Variants in VPS52 observed in about 807,000 individuals in gnomAD.
The protein encoded by VPS52 is VPS52 subunit of GARP complex, also known as vacuolar protein sorting-associated protein 52 homolog.
VPS52 carries 56 observed loss-of-function variants against 98.7 expected under a neutral mutation model. The observed-to-expected ratio is 0.57, with a 90% CI of 0.46 to 0.71. VPS52 has a LOEUF of 0.71. Among genes scored for constraint, VPS52 ranks in the 30% least tolerant of loss-of-function variants. VPS52 has a pLI of 0.00. For missense variants in VPS52, 742 were observed against 925.9 expected, an observed-to-expected ratio of 0.80 and a Z score of 2.58; for synonymous variants, 348 against 346.4, an observed-to-expected ratio of 1.00 and a Z score of -0.05.
At chr6:33,258,017 A>G (rs116888708) in intron 17 of VPS52, among the ~76,000 whole-genome samples, 1 of 152,260 alleles carries the variant, frequency 6.6e-6, no homozygotes, top group East Asian at 1.9e-4. Context: ...TGTTACTAAA[A>G]ACAAAGACAT....
Position 33,251,527 on chromosome 6 carries a change from A to G in VPS52, c.2016T>C (p.Ser672=). Residue 672 remains serine, a synonymous_variant, in exon 19 of 20, where the codon AGT becomes AGC. Coordinates refer to ENST00000445902, the MANE Select transcript of VPS52 (RefSeq NM_022553.6). The stretch of plus-strand genomic sequence containing the variant: ...GGGACTTGCAGGTCACCTGAATGAT[A>G]CTGGTGCCATTTCTGAAGTTGGTGA... ...RSFTNFRNGT[S]IIQGALTQLI... is the part of the protein sequence containing the mutation. 6.2e-7 allele frequency: 1 copy of G among 1,608,180 alleles called. No homozygotes were observed. The highest frequency in any genetic ancestry group is 8.5e-7 in the Non-Finnish European group (1 of 1,174,958).
chr6:33,269,719 AC>A, intron 4 of VPS52, 24 bp downstream of exon 4: 2 of 1,609,694 alleles, frequency 1.2e-6, no homozygotes, highest in Non-Finnish European at 1.7e-6. Flanking sequence ...CAATAGCACC[AC>A]CCCTTCCCTC....
chr6:33,271,760 C>T lies in VPS52; in HGVS notation c.-85G>A. The T allele has an allele frequency of 3.3e-6, 5 of 1,496,380 alleles. No homozygotes were observed. The highest frequency in any genetic ancestry group is 4.5e-6 in the Non-Finnish European group (5 of 1,120,786). 92.7% of individuals were successfully genotyped at this position (1,496,380 alleles called of 1,614,324 possible). ...GCTACAAGTCCCAAAGGGTCTTCCT[C>T]AGCGCGAAATCGTTCCCAGATATTT... is the stretch of plus-strand genomic sequence containing the variant. On this transcript the variant is annotated 5_prime_UTR_variant, in exon 1 of 20. Transcript: ENST00000445902.
chr6:33,252,236 A>G (rs1762359513), intron 17 of VPS52, among the ~76,000 whole-genome samples: 1 of 152,236 alleles, frequency 6.6e-6, no homozygotes, highest in Admixed American at 6.5e-5. Context: ...AATAAGCAAT[A>G]GCTGCTGACC....
In VPS52 at chr6:33,267,605, G is replaced by A. The variant is rs1562570190; in HGVS notation, c.991+77C>T. On this transcript the variant is annotated intron_variant, in intron 10 of 19. Coordinates refer to ENST00000445902, the MANE Select transcript of VPS52 (RefSeq NM_022553.6). The surrounding 1 kb of genome is among the most constrained non-coding windows in gnomAD (Gnocchi z 4.2). ...TCAGTCCCATAGGAAAAGGTAAGGAGCAGTGCATTGGTGGCTGGAGTCGAA... is the reference window on the plus strand; with the variant it reads ...TCAGTCCCATAGGAAAAGGTAAGGAACAGTGCATTGGTGGCTGGAGTCGAA... 4 of 1,526,776 alleles carry A rather than the reference G, an allele frequency of 2.6e-6. No homozygotes were observed. The East Asian group carries it at 6.8e-5, about 26-fold the overall frequency. 94.6% of individuals were successfully genotyped at this position (1,526,776 alleles called of 1,614,324 possible).
intron 17 of VPS52, among the ~76,000 whole-genome samples, chr6:33,261,161 T>G (rs747982419): frequency 6.6e-6 from 1 of 151,858 alleles, no homozygotes; most frequent in Non-Finnish European, 1.5e-5. Context: ...GCCAAGAACA[T>G]ACACTGGGGA....
At chr6:33,264,932 A>G in intron 12 of VPS52, 32 bp from the exon 13 acceptor site, 1 of 1,566,186 alleles carries the variant, frequency 6.4e-7, no homozygotes, top group Non-Finnish European at 8.8e-7. Flanking sequence ...AGAGGATTAA[A>G]AGAGAATGTC....
At chr6:33,255,430 C>T (rs1373000383) in intron 17 of VPS52, among the ~76,000 whole-genome samples, 1 of 148,960 alleles carries the variant, frequency 6.7e-6, no homozygotes, top group African/African-American at 2.5e-5. Flanking sequence ...TCCCAAGCAG[C>T]TAGAACTACA....
chr6:33,265,061 CTA>C (rs1413863527), intron 12 of VPS52, among the ~76,000 whole-genome samples, 161 bp from the exon 13 acceptor site: 10 of 152,006 alleles, frequency 6.6e-5, no homozygotes, highest in Admixed American at 6.6e-4. Flanking sequence ...TGTCCAGGAT[CTA>C]TGTTTTTGGC....
At position 33,250,757 on chromosome 6, in the gene VPS52, G is replaced by T; in HGVS notation, c.*84C>A. On this transcript the variant is annotated 3_prime_UTR_variant, in exon 20 of 20. Transcript: ENST00000445902. Reference sequence around the variant, plus strand: ...GGGAAGCAAGGGGAAAACTGGAAGGGGTACCCCAGGTGAAGAAGGGTATGG... The same window carrying T: ...GGGAAGCAAGGGGAAAACTGGAAGGTGTACCCCAGGTGAAGAAGGGTATGG... 1 of 1,534,860 alleles carries T rather than the reference G, an allele frequency of 6.5e-7. No homozygotes were observed. The highest frequency in any genetic ancestry group is 8.8e-7 in the Non-Finnish European group (1 of 1,136,024).
Position 33,268,452 on chromosome 6 carries a change from G to A in VPS52, c.699+47C>T. On this transcript the variant is annotated intron_variant, in intron 7 of 19. Coordinates refer to ENST00000445902, the MANE Select transcript of VPS52 (RefSeq NM_022553.6). The surrounding 1 kb of genome is among the most constrained non-coding windows in gnomAD (Gnocchi z 4.0). ...AGGAAATCCATAGTGAAGATCTTGG[G>A]AAGGCTGCTTCCAGTAGCCTCCAGG... is the stretch of plus-strand genomic sequence containing the variant. 1.9e-6 allele frequency: 3 copies of A among 1,545,582 alleles called. No individual in the cohort carries two copies. Among genetic ancestry groups the A allele is most frequent in the South Asian group, 1.2e-5 (1 of 80,660 alleles).
In VPS52 at chr6:33,267,942, C is replaced by T. The variant is rs1452137426; in HGVS notation, c.856G>A (p.Asp286Asn). 1 of 1,612,980 alleles carries T rather than the reference C, an allele frequency of 6.2e-7. No homozygotes were observed. Among genetic ancestry groups the T allele is most frequent in the Non-Finnish European group, 8.5e-7 (1 of 1,180,044 alleles). Residue 286 changes from aspartate to asparagine, a missense_variant, in exon 9 of 20, where the codon GAT (aspartate) becomes AAT (asparagine). Coordinates refer to ENST00000445902, the MANE Select transcript of VPS52 (RefSeq NM_022553.6). The surrounding 1 kb of genome is among the most constrained non-coding windows in gnomAD (Gnocchi z 4.2). ...TTGCTCAGCGTCTCCACATATTCAT[C>T]CCTGATCTCCTTTGCTGTTGCTCGT... Reference protein sequence around the residue: ...NERATAKEIRDEYVETLSKIY... With the variant: ...NERATAKEIRNEYVETLSKIY...
chr6:33,264,155 C>A (rs1188474636), intron 14 of VPS52, 52 bp from the exon 15 acceptor site: 1 of 1,600,384 alleles, frequency 6.2e-7, no homozygotes, highest in African/African-American at 1.3e-5. Flanking sequence ...CCAACCAACA[C>A]AACCTCCCAA....
rs765589737 is a variant in VPS52, at chr6:33,270,192, C to T, written c.175+7G>A. On this transcript the variant is annotated splice_region_variant and intron_variant, in intron 2 of 19. Coordinates refer to ENST00000445902, the MANE Select transcript of VPS52 (RefSeq NM_022553.6). ...AGGTACTGCACCCACCCCATGCCAT[C>T]GCTTACCATCCACTTCATCCAGGAT... 7.3e-5 allele frequency: 117 copies of T among 1,612,004 alleles called. 1 individual carries two copies. The highest frequency in any genetic ancestry group is 9.3e-5 in the Non-Finnish European group (110 of 1,178,304).
chr6:33,264,375 T>C lies in VPS52; in HGVS notation c.1523A>G (p.Tyr508Cys), dbSNP rs567365122. The change falls in exon 14 of 20, where the codon TAT (tyrosine) becomes TGT (cysteine). Residue 508 changes from tyrosine (Y) to cysteine (C), a missense_variant and splice_region_variant. Physicochemically the swap from Tyr to Cys is radical, Grantham distance 194 (BLOSUM62 -2). This residue lies in a region of VPS52 where 590 missense variants were observed against 793.3 expected (regional missense o/e 0.74). Transcript: ENST00000445902. ...RLGGLDTRPH[Y>C]ITRRYAEFSS... ...TTTGTTACCCTTGCCCTCCCTCACA[T>C]AGTGGGGCCGAGTATCCAACCCCCC... 15 of 1,613,970 alleles carry C rather than the reference T, an allele frequency of 9.3e-6. No individual in the cohort carries two copies. The highest frequency in any genetic ancestry group is 4.5e-5 in the East Asian group (2 of 44,884).
rs112931721 is a variant in VPS52 at position 33,268,720 on chromosome 6, A to G, written c.549-71T>C. 31,219 of 1,493,868 alleles carry G rather than the reference A, an allele frequency of 0.021. 610 individuals carry two copies. The highest frequency in any genetic ancestry group is 0.088 in the African/African-American group (6,289 of 71,674). The allele number at this position is 1,493,868 out of a possible 1,614,324, so 92.5% of individuals were successfully genotyped here. A position where few individuals can be genotyped will look rare whatever the true frequency, so the allele number is the denominator to read the frequency against. Reference sequence around the variant, plus strand: ...CATCCCTAAACCAGACCCAGACCACACTCCTTACCTCCAGCCCCTGTCATC... The same window carrying G: ...CATCCCTAAACCAGACCCAGACCACGCTCCTTACCTCCAGCCCCTGTCATC... On this transcript the variant is annotated intron_variant, in intron 6 of 19. Transcript: ENST00000445902. This position sits in a 1 kb window ranked among gnomAD's most constrained non-coding sequence, Gnocchi z 4.0.
chr6:33,264,319 T>C, intron 14 of VPS52, 55 bp downstream of exon 14: 4 of 1,601,478 alleles, frequency 2.5e-6, no homozygotes, highest in South Asian at 2.3e-5. Flanking sequence ...ACCCCCACAA[T>C]GATGCTTAGA....
Position 33,251,646 on chromosome 6 carries a change from G to A in VPS52, c.1907-10C>T, listed in dbSNP as rs1762256031. The A allele has an allele frequency of 6.2e-7, 1 of 1,602,010 alleles. No homozygotes were observed. Among genetic ancestry groups the A allele is most frequent in the South Asian group, 1.1e-5 (1 of 90,454 alleles). ...AGCTGAGTTACCCGGGCTAATAGCAGGAGGAAACAGTGTCAGAGAGGGATC... is the reference window on the plus strand; with the variant it reads ...AGCTGAGTTACCCGGGCTAATAGCAAGAGGAAACAGTGTCAGAGAGGGATC... On this transcript the variant is annotated splice_polypyrimidine_tract_variant and intron_variant, in intron 18 of 19. Coordinates refer to ENST00000445902, the MANE Select transcript of VPS52 (RefSeq NM_022553.6).
intron 17 of VPS52, among the ~76,000 whole-genome samples, chr6:33,258,381 C>A (rs1763243013): frequency 3.3e-5 from 3 of 90,220 alleles, no homozygotes; most frequent in South Asian, 4.3e-4. Context: ...AGTGAAACTC[C>A]ATCTCAAAAA....
Sources: allele counts gnomAD v4.1 joint callset (sites outside exome capture counted in the v4.1 genomes callset), GRCh38; gene constraint gnomAD v4.1.1; regional missense constraint gnomAD v4.1.1; non-coding constraint Gnocchi (gnomAD v3.1); transcripts MANE v1.5; gene names NCBI Gene and HGNC (gene_info 2026-07-23, HGNC 2026-07-21).